Variants in SRPRA observed in about 807,000 individuals in gnomAD.
SRPRA encodes signal recognition particle receptor subunit alpha.
A neutral mutation model predicts 61.1 loss-of-function variants in SRPRA; 30 were observed. The observed-to-expected ratio is 0.49, with a 90% CI of 0.37 to 0.67. The LOEUF (loss-of-function observed/expected upper bound fraction) is 0.67, where lower values mean the gene tolerates loss of function less well. SRPRA is among the 30% of genes least tolerant of loss of function. SRPRA has a pLI of 0.00. For synonymous variants in SRPRA, 324 were observed against 299.7 expected (o/e 1.08, Z -0.84); for missense variants, 759 against 828.4 (o/e 0.92, Z 1.03).
chr11:126,249,878 G>T, the SRPRA span, among the ~76,000 whole-genome samples: 1 of 151,950 alleles, frequency 6.6e-6, no homozygotes, highest in South Asian at 2.1e-4. Context: ...GGTAGTTGTC[G>T]CTCTGCTTTG....
At chr11:126,236,802 G>A in the SRPRA span, among the ~76,000 whole-genome samples, 20 of 149,210 alleles carry the variant, frequency 1.3e-4, no homozygotes, top group African/African-American at 4.7e-4. Context: ...TAGCTTTCTC[G>A]GGGGTTCTCT....
chr11:126,239,948 C>T, the SRPRA span, among the ~76,000 whole-genome samples: 1 of 152,312 alleles, frequency 6.6e-6, no homozygotes, highest in Non-Finnish European at 1.5e-5. Flanking sequence ...TGCCAAAATG[C>T]TGATCCTCTC....
chr11:126,265,473 G>A lies in SRPRA; in HGVS notation c.1139-33C>T. 6.3e-7 allele frequency: 1 copy of A among 1,593,770 alleles called. No homozygotes were observed. The highest frequency in any genetic ancestry group is 8.5e-7 in the Non-Finnish European group (1 of 1,170,146). On this transcript the variant is annotated intron_variant, in intron 9 of 13. Coordinates refer to ENST00000332118, the MANE Select transcript of SRPRA (RefSeq NM_003139.4). This position sits in a 1 kb window ranked among gnomAD's most constrained non-coding sequence, Gnocchi z 6.3. ...GGGAGGTGGAGGAGGTTGCAGCTGT[G>A]AAACTCAAGGAATGCTCTCAAAAAT...
chr11:126,250,668 T>C, the SRPRA span: 2 of 1,614,072 alleles, frequency 1.2e-6, no homozygotes, highest in Non-Finnish European at 1.7e-6. The surrounding 1 kb of genome is among the most constrained non-coding windows in gnomAD (Gnocchi z 5.1). Flanking sequence ...TGATAATCTC[T>C]TGGAACTGTA....
At chr11:126,255,451 T>C in the SRPRA span, among the ~76,000 whole-genome samples, 1 of 152,174 alleles carries the variant, frequency 6.6e-6, no homozygotes, top group Admixed American at 6.6e-5. This position sits in a 1 kb window ranked among gnomAD's most constrained non-coding sequence, Gnocchi z 4.6. Flanking sequence ...GAGTGATCCC[T>C]TAGGCAGTCA....
the SRPRA span, among the ~76,000 whole-genome samples, chr11:126,236,485 G>A: frequency 1.3e-5 from 2 of 151,694 alleles, no homozygotes; most frequent in Admixed American, 6.6e-5. Flanking sequence ...TTTCATTTTT[G>A]TTGTTGTTGT....
Position 126,267,228 on chromosome 11 carries a change from TC to T in SRPRA, c.472del (p.Glu158LysfsTer45), listed in dbSNP as rs756235726. ...PVRSMIETRG[E>X]KPKEKAKNSK... ...ATTCTTTGCTTTTTCCTTGGGCTTT[TC>T]CCCCCGTGTCTCAATCATGGACCTC... is the stretch of plus-strand genomic sequence containing the variant. On this transcript the variant is annotated frameshift_variant, in exon 4 of 14. Transcript: ENST00000332118. LOFTEE classifies it high-confidence loss of function. This position sits in a 1 kb window ranked among gnomAD's most constrained non-coding sequence, Gnocchi z 4.2. The T allele has an allele frequency of 6.2e-7, 1 of 1,614,108 alleles. No individual in the cohort carries two copies. Among genetic ancestry groups the T allele is most frequent in the Non-Finnish European group, 8.5e-7 (1 of 1,180,030 alleles).
chr11:126,243,910 A>AG, the SRPRA span, among the ~76,000 whole-genome samples: 1 of 152,026 alleles, frequency 6.6e-6, no homozygotes, highest in African/African-American at 2.4e-5. Flanking sequence ...TCTCAAAAAA[A>AG]AAAAAAAAAG....
At chr11:126,236,779 G>A in the SRPRA span, among the ~76,000 whole-genome samples, 4 of 142,174 alleles carry the variant, frequency 2.8e-5, no homozygotes, top group African/African-American at 5.2e-5. Context: ...CCCCCATTTC[G>A]TTTTCTTAAA....
the SRPRA span, among the ~76,000 whole-genome samples, chr11:126,256,151 A>C: frequency 6.6e-6 from 1 of 152,122 alleles, no homozygotes. The surrounding 1 kb of genome is among the most constrained non-coding windows in gnomAD (Gnocchi z 6.6). Context: ...CACACTTGTA[A>C]TATACTCGGG....
At position 126,265,811 on chromosome 11, in the gene SRPRA, G is replaced by A; in HGVS notation, c.1064C>T (p.Ala355Val). ...MRDHLIAKNV[A>V]ADIAVQLCES... ...ACAGAGCTGGACGGCAATGTCTGCA[G>A]CCACGTTCTTAGCTGAGGAGAGGGG... Residue 355 changes from alanine (A) to valine (V), a missense_variant, in exon 9 of 14, where the codon GCT becomes GTT. This residue lies in a region of SRPRA where 475 missense variants were observed against 462.5 expected (regional missense o/e 1.03). Transcript: ENST00000332118. The surrounding 1 kb of genome is among the most constrained non-coding windows in gnomAD (Gnocchi z 6.3). 1 of 1,614,232 alleles carries A rather than the reference G, an allele frequency of 6.2e-7. No homozygotes were observed.
the SRPRA span, among the ~76,000 whole-genome samples, chr11:126,249,911 C>T: frequency 9.9e-5 from 15 of 151,984 alleles, no homozygotes; most frequent in African/African-American, 3.4e-4. Context: ...CCTTTAATAC[C>T]GACAGTAAAT....
In SRPRA at chr11:126,267,893, T is replaced by C. The variant is rs981304939; in HGVS notation, c.201+110A>G. The C allele has an allele frequency of 1.4e-6, 2 of 1,417,436 alleles. No homozygotes were observed. Among genetic ancestry groups the C allele is most frequent in the Non-Finnish European group, 9.8e-7 (1 of 1,016,972 alleles). 87.8% of individuals were successfully genotyped at this position (1,417,436 alleles called of 1,614,324 possible). On this transcript the variant is annotated intron_variant, in intron 2 of 13. Transcript: ENST00000332118. This position sits in a 1 kb window ranked among gnomAD's most constrained non-coding sequence, Gnocchi z 4.2. ...TGCTGTTTTCCCCCATCTACCTTTC[T>C]AGTTTTTTCAGTTACGTCATCATAT...
the SRPRA span, among the ~76,000 whole-genome samples, chr11:126,246,657 G>A: frequency 1.3e-5 from 2 of 152,042 alleles, no homozygotes; most frequent in South Asian, 2.1e-4. Context: ...GCCCAGGCTG[G>A]TGTTGAACTC....
chr11:126,236,925 T>C, the SRPRA span, among the ~76,000 whole-genome samples: 1 of 146,478 alleles, frequency 6.8e-6, no homozygotes, highest in African/African-American at 2.5e-5. Context: ...TGCTTTTTTT[T>C]TTTTTTTTTT....
chr11:126,264,497 C>T lies in SRPRA; in HGVS notation c.1568G>A (p.Gly523Asp). 1 of 1,613,724 alleles carries T rather than the reference C, an allele frequency of 6.2e-7. No homozygotes were observed. The highest frequency in any genetic ancestry group is 8.5e-7 in the Non-Finnish European group (1 of 1,180,030). ...CAGAGGGGCATTGTCTTGCATGCGG[C>T]CTGCCGTGTCCACCAGCACCACGTC... ...GFDVVLVDTA[G>D]RMQDNAPLMT... Residue 523 changes from glycine to aspartate, a missense_variant, in exon 12 of 14, where the codon GGC (glycine) becomes GAC (aspartate). Around this residue, in one of 2 missense-constraint regions of SRPRA, gnomAD observed 284 missense variants for 365.9 expected, o/e 0.78. Transcript: ENST00000332118. This position sits in a 1 kb window ranked among gnomAD's most constrained non-coding sequence, Gnocchi z 5.0.
At chr11:126,262,117 C>T (rs1379622848), downstream of SRPRA, 3 of 1,613,928 alleles carry the variant, frequency 1.9e-6, no homozygotes, top group African/African-American at 2.7e-5. Context: ...TTTCTCCCTA[C>T]AGGCTGTAGT....
chr11:126,268,433 T>C (rs1164296664), intron 1 of SRPRA, among the ~76,000 whole-genome samples: 1 of 152,012 alleles, frequency 6.6e-6, no homozygotes, highest in East Asian at 1.9e-4. Context: ...CTGCTGGGGA[T>C]AAATAGAGGG....
At chr11:126,253,746 G>A in the SRPRA span, among the ~76,000 whole-genome samples, 6 of 152,282 alleles carry the variant, frequency 3.9e-5, no homozygotes, top group East Asian at 9.7e-4. This position sits in a 1 kb window ranked among gnomAD's most constrained non-coding sequence, Gnocchi z 5.1. Flanking sequence ...GCAAGCAATT[G>A]GCCAGGCCAT....
Sources: gnomAD v4.1 joint callset for allele counts (sites outside exome capture counted in the v4.1 genomes callset) on GRCh38, gnomAD v4.1.1 for gene constraint, gnomAD v4.1.1 regional missense constraint, Gnocchi (gnomAD v3.1) non-coding constraint, MANE v1.5 for transcripts, NCBI Gene and HGNC (gene_info 2026-07-23, HGNC 2026-07-21) for gene names.